Variants in DMD observed in about 807,000 individuals in gnomAD.
The protein encoded by DMD is mutant dystrophin.
DMD carries 63 observed loss-of-function variants against 330.1 expected under a neutral mutation model. The observed-to-expected ratio is 0.19, with a 90% CI of 0.16 to 0.24. DMD has a LOEUF of 0.24. DMD is among the 10% of genes least tolerant of loss of function. The pLI, the probability that DMD is intolerant of heterozygous loss-of-function variation, is 1.00. For missense variants in DMD, 3,344 were observed against 2,684.1 expected (o/e 1.25, Z -5.43); for synonymous variants, 1,223 against 959.8 (o/e 1.27, Z -5.07).
intron 22 of DMD, among the ~76,000 whole-genome samples, chrX:32,469,468 A>G (rs2040392774): frequency 9.0e-6 from 1 of 111,234 alleles, no homozygotes; most frequent in Non-Finnish European, 1.9e-5. Context: ...ATGCACATAT[A>G]AACAGTTATT....
chrX:32,547,329 G>A (rs2049073061), intron 16 of DMD, among the ~76,000 whole-genome samples: 1 of 110,786 alleles, frequency 9.0e-6, no homozygotes, highest in Admixed American at 9.7e-5. Context: ...TGCCCATGGA[G>A]GGTAAAGGGA....
At position 31,223,254 on chromosome X, in the gene DMD, G is replaced by A. The variant is rs1602951380; in HGVS notation, c.9287-133C>T. On this transcript the variant is annotated intron_variant, in intron 63 of 78. Coordinates refer to ENST00000357033, the MANE Select transcript of DMD (RefSeq NM_004006.3). ...CCTAGAAAACATATAGTGTGTATAC[G>A]CCAAGCTTTCGGAGGTGAAAATTCT... The A allele has an allele frequency of 8.8e-6, 5 of 566,510 alleles. No homozygotes were observed. In the East Asian group the frequency reaches 1.4e-4, roughly 16 times the overall value. The allele number at this position is 566,510 out of a possible 1,213,427, so 46.7% of individuals were successfully genotyped here.
In DMD at chrX:32,656,787, A is replaced by G. The variant is rs766205121; in HGVS notation, c.961-11635T>C. Among the ~76,000 whole-genome samples, 5 of 111,748 alleles carry G rather than the reference A, an allele frequency of 4.5e-5. No homozygotes were observed. In the East Asian group the frequency reaches 1.4e-3, roughly 32 times the overall value. ...AGTACACAGATAATAAATATTTACT[A>G]AATTGTTTGGGGTAATTTTAATTTC... On this transcript the variant is annotated intron_variant, in intron 9 of 78. Transcript: ENST00000357033.
At chrX:32,935,757 C>A (rs917144712) in intron 2 of DMD, among the ~76,000 whole-genome samples, 1 of 111,310 alleles carries the variant, frequency 9.0e-6, no homozygotes, top group African/African-American at 3.3e-5. Context: ...TCTATCTCTC[C>A]CCCTTAGACA....
chrX:32,518,811 C>T (rs769494537), intron 17 of DMD, among the ~76,000 whole-genome samples: 1 of 110,044 alleles, frequency 9.1e-6, no homozygotes, highest in East Asian at 2.9e-4. Context: ...ATCTCAATGC[C>T]AGCTGAAGAC....
At chrX:32,303,534 TGTC>T (rs1340545848) in intron 42 of DMD, among the ~76,000 whole-genome samples, 4 of 111,459 alleles carry the variant, frequency 3.6e-5, no homozygotes, top group Non-Finnish European at 7.6e-5. Flanking sequence ...TAGGCACTAT[TGTC>T]GTCATATTTT....
chrX:32,359,880 A>C (rs900448866), intron 37 of DMD, among the ~76,000 whole-genome samples: 3 of 110,696 alleles, frequency 2.7e-5, no homozygotes, highest in Admixed American at 9.7e-5. Flanking sequence ...TATGATTTTA[A>C]TATTAAATAT....
chrX:32,840,088 C>A (rs900107585), intron 4 of DMD, among the ~76,000 whole-genome samples: 17 of 112,203 alleles, frequency 1.5e-4, no homozygotes, highest in Non-Finnish European at 2.8e-4. Flanking sequence ...AGTTTGGTTT[C>A]TGCATGAGAA....
intron 9 of DMD, among the ~76,000 whole-genome samples, chrX:32,682,307 A>T (rs754721577): frequency 9.0e-6 from 1 of 111,498 alleles, no homozygotes; most frequent in Non-Finnish European, 1.9e-5. Context: ...GCAAAGGAGA[A>T]GAAAGCTCAT....
intron 1 of DMD, among the ~76,000 whole-genome samples, chrX:33,329,699 A>G (rs1242894154): frequency 9.0e-6 from 1 of 111,593 alleles, no homozygotes; most frequent in South Asian, 3.8e-4. Flanking sequence ...CATTTCAGGA[A>G]CTGTCTGTCC....
At chrX:31,828,807 A>G (rs770205708) in intron 49 of DMD, among the ~76,000 whole-genome samples, 1 of 111,637 alleles carries the variant, frequency 9.0e-6, no homozygotes, top group Admixed American at 9.6e-5. Flanking sequence ...TCAAAGAAGA[A>G]TTGGTACCAA....
intron 20 of DMD, among the ~76,000 whole-genome samples, chrX:32,490,984 A>G (rs1023570477): frequency 8.9e-6 from 1 of 112,132 alleles, no homozygotes; most frequent in African/African-American, 3.2e-5. Flanking sequence ...GTGAGAGGCC[A>G]TTTTTTACAG....
chrX:31,902,569 T>C (rs1367362666), intron 47 of DMD, among the ~76,000 whole-genome samples: 8 of 111,727 alleles, frequency 7.2e-5, no homozygotes, highest in Admixed American at 6.7e-4. Flanking sequence ...CAAAGCGATA[T>C]AAGAGCAGTA....
At chrX:31,517,231 T>G (rs2072301434) in intron 55 of DMD, among the ~76,000 whole-genome samples, 1 of 111,806 alleles carries the variant, frequency 8.9e-6, no homozygotes, top group African/African-American at 3.3e-5. Context: ...GATGAGATGA[T>G]GTGAGTAGAT....
At chrX:32,269,311 G>A (rs1025044213) in intron 43 of DMD, among the ~76,000 whole-genome samples, 6 of 111,636 alleles carry the variant, frequency 5.4e-5, no homozygotes, top group Admixed American at 1.9e-4. Context: ...TAAGACCATG[G>A]AAGTATGCCA....
At chrX:31,300,630 C>A (rs1427264894) in intron 62 of DMD, among the ~76,000 whole-genome samples, 1 of 111,326 alleles carries the variant, frequency 9.0e-6, no homozygotes, top group Non-Finnish European at 1.9e-5. Context: ...GTTATATAAA[C>A]AATATCTTTT....
rs141449431 is a variant in DMD at position 32,647,571 on chromosome X, T to C, written c.961-2419A>G. Among the ~76,000 whole-genome samples, 1,101 of 111,591 alleles carry C rather than the reference T, an allele frequency of 9.9e-3. 20 individuals carry two copies. Among genetic ancestry groups the C allele is most frequent in the African/African-American group, 0.034 (1,040 of 30,721 alleles). ...TATGAACCAACCACTTATGCTGAAA[T>C]TGATGATATAGAAAGAAAGGGAATC... On this transcript the variant is annotated intron_variant, in intron 9 of 78. Transcript: ENST00000357033.
chrX:31,289,955 C>G (rs1164006838), intron 62 of DMD, among the ~76,000 whole-genome samples: 2 of 106,629 alleles, frequency 1.9e-5, no homozygotes, highest in Non-Finnish European at 3.9e-5. Context: ...GAGTCTCACT[C>G]TGTCGCCCAG....
At chrX:32,642,939 T>G (rs1041070467) in intron 11 of DMD, among the ~76,000 whole-genome samples, 2 of 111,316 alleles carry the variant, frequency 1.8e-5, no homozygotes, top group Non-Finnish European at 3.8e-5. Context: ...CACAGATCAC[T>G]GCAAATAGAA....
Sources: allele counts gnomAD v4.1 joint callset (sites outside exome capture counted in the v4.1 genomes callset), GRCh38; gene constraint gnomAD v4.1.1; transcripts MANE v1.5; gene names NCBI Gene and HGNC (gene_info 2026-07-23, HGNC 2026-07-21).